Variants in IGFBP7 observed in about 807,000 individuals in gnomAD.
The protein encoded by IGFBP7 is insulin like growth factor binding protein 7.
Under a neutral mutation model 29.4 loss-of-function variants are expected in IGFBP7, and 31 were observed. That is an observed-to-expected ratio of 1.05 (90% confidence interval 0.79 to 1.42). The LOEUF (loss-of-function observed/expected upper bound fraction) is 1.42. IGFBP7 is among the 40% of genes most tolerant of loss of function. The pLI is 0.00. For missense variants in IGFBP7, 393 were observed against 395.5 expected, an observed-to-expected ratio of 0.99 and a Z score of 0.05; for synonymous variants, 172 against 174.9, an observed-to-expected ratio of 0.98 and a Z score of 0.13.
intron 1 of IGFBP7, among the ~76,000 whole-genome samples, chr4:57,085,489 C>T: frequency 6.6e-6 from 1 of 152,196 alleles, no homozygotes; most frequent in Non-Finnish European, 1.5e-5. Context: ...GAGATCTTCA[C>T]CACATTTTCG....
chr4:57,051,392 T>A (rs1724499482), intron 1 of IGFBP7, among the ~76,000 whole-genome samples: 1 of 152,198 alleles, frequency 6.6e-6, no homozygotes, highest in Admixed American at 6.5e-5. Flanking sequence ...GTACAACAGC[T>A]TAAGCAGCAT....
At chr4:57,069,173 C>G (rs1724995813) in intron 1 of IGFBP7, among the ~76,000 whole-genome samples, 1 of 152,148 alleles carries the variant, frequency 6.6e-6, no homozygotes. Context: ...TGTTTCAAGA[C>G]AGGATCTCAC....
chr4:57,097,177 C>T (rs1725781446), intron 1 of IGFBP7, among the ~76,000 whole-genome samples: 1 of 152,094 alleles, frequency 6.6e-6, no homozygotes, highest in Non-Finnish European at 1.5e-5. Context: ...TGTGAGTGAC[C>T]TCTGAATTCA....
chr4:57,054,567 A>C (rs1724595702), intron 1 of IGFBP7, among the ~76,000 whole-genome samples: 1 of 146,126 alleles, frequency 6.8e-6, no homozygotes, highest in Admixed American at 7.0e-5. Flanking sequence ...TGAACCTGGG[A>C]GGCGGAGGTT....
chr4:57,105,189 C>G (rs1725993335), intron 1 of IGFBP7, among the ~76,000 whole-genome samples: 1 of 152,202 alleles, frequency 6.6e-6, no homozygotes. Flanking sequence ...TAGCATGGCT[C>G]TACTCACCTC....
chr4:57,101,919 C>G (rs1386196591), intron 1 of IGFBP7, among the ~76,000 whole-genome samples: 14 of 152,124 alleles, frequency 9.2e-5, no homozygotes, highest in Admixed American at 9.2e-4. Context: ...TTCACATATA[C>G]CTAAGTCTCC....
chr4:57,074,416 C>T (rs930672178), intron 1 of IGFBP7, among the ~76,000 whole-genome samples: 14 of 152,326 alleles, frequency 9.2e-5, no homozygotes, highest in Admixed American at 7.8e-4. Context: ...CCATTTTCTC[C>T]TGCCTCTGAA....
At chr4:57,071,696 A>G (rs13141016) in intron 1 of IGFBP7, among the ~76,000 whole-genome samples, 64,811 of 152,126 alleles carry the variant, frequency 0.43, 15,770 homozygotes, top group Admixed American at 0.56. Flanking sequence ...TTGCTGTGGC[A>G]TATTTGGTCA....
intron 1 of IGFBP7, among the ~76,000 whole-genome samples, chr4:57,046,115 G>A (rs1475458999): frequency 6.6e-6 from 1 of 152,110 alleles, no homozygotes; most frequent in Non-Finnish European, 1.5e-5. Context: ...CGACTTAATG[G>A]TGACCCACAG....
intron 1 of IGFBP7, among the ~76,000 whole-genome samples, chr4:57,041,860 G>A (rs866585705): frequency 6.6e-6 from 1 of 152,128 alleles, no homozygotes; most frequent in African/African-American, 2.4e-5. Context: ...TTGAACAGAA[G>A]AGGCCCGGGT....
At chr4:57,089,822 C>A (rs144917611) in intron 1 of IGFBP7, among the ~76,000 whole-genome samples, 92 of 152,296 alleles carry the variant, frequency 6.0e-4, no homozygotes, top group Admixed American at 1.5e-3. Context: ...CATTTGCTCA[C>A]CTGATATAAT....
intron 1 of IGFBP7, among the ~76,000 whole-genome samples, chr4:57,069,336 C>A (rs1294157644): frequency 6.6e-6 from 1 of 152,128 alleles, no homozygotes; most frequent in African/African-American, 2.4e-5. Flanking sequence ...TGCCTATAAT[C>A]CCAGTGCTTT....
Position 57,110,039 on chromosome 4 carries a change from G to A in IGFBP7, c.313C>T (p.Pro105Ser). Residue 105 changes from proline (P) to serine (S), a missense_variant, in exon 1 of 5, where the codon CCG (proline) becomes TCG (serine). Pro to Ser is a moderately conservative substitution (Grantham distance 74). Transcript: ENST00000295666. ...KGKAGAAAGGPGVSGVCVCKS... is the reference protein window; with the variant it reads ...KGKAGAAAGGSGVSGVCVCKS... ...CACACGCACACGCCGCTTACACCCG[G>A]ACCGCCGGCTGCTGCCCCGGCTTTA... 6.4e-7 allele frequency: 1 copy of A among 1,558,900 alleles called. No homozygotes were observed. The highest frequency in any genetic ancestry group is 8.6e-7 in the Non-Finnish European group (1 of 1,158,422).
rs557577202 is a variant in IGFBP7 at position 57,034,917 on chromosome 4, T to C, written c.586-1606A>G. On this transcript the variant is annotated intron_variant, in intron 2 of 4. Transcript: ENST00000295666. ...ACAAACATACTCAATAGGTACCTTT[T>C]CCCTTAGTTTCCCAAGTAGCTGGCA... 1.8e-4 allele frequency among the ~76,000 whole-genome samples: 28 copies of C among 152,348 alleles called. 1 individual carries two copies. The highest frequency in any genetic ancestry group is 6.3e-4 in the African/African-American group (26 of 41,578).
At chr4:57,056,385 C>A (rs1396588494) in intron 1 of IGFBP7, among the ~76,000 whole-genome samples, 1 of 152,040 alleles carries the variant, frequency 6.6e-6, no homozygotes, top group South Asian at 2.1e-4. Context: ...GTGTGTGTGT[C>A]TTGGGTACTT....
chr4:57,103,654 T>TC (rs1725952792), intron 1 of IGFBP7, among the ~76,000 whole-genome samples: 2 of 76,590 alleles, frequency 2.6e-5, no homozygotes, highest in African/African-American at 5.1e-5. Context: ...TTTTTTTTTT[T>TC]CTTTTCTTTT....
intron 1 of IGFBP7, among the ~76,000 whole-genome samples, chr4:57,098,528 T>C (rs1725817396): frequency 6.6e-6 from 1 of 152,082 alleles, no homozygotes; most frequent in Admixed American, 6.5e-5. Flanking sequence ...AAGAGTCAAG[T>C]CAGATCAACT....
intron 1 of IGFBP7, among the ~76,000 whole-genome samples, chr4:57,105,248 T>C (rs1276901250): frequency 6.6e-6 from 1 of 152,234 alleles, no homozygotes; most frequent in Non-Finnish European, 1.5e-5. Context: ...TTCTCCGATG[T>C]ACACCCTTCA....
At chr4:57,076,484 T>A (rs1226712159) in intron 1 of IGFBP7, among the ~76,000 whole-genome samples, 1 of 152,186 alleles carries the variant, frequency 6.6e-6, no homozygotes, top group Non-Finnish European at 1.5e-5. Context: ...CTGACATCAG[T>A]GAAGCCAGAA....
Sources: allele counts gnomAD v4.1 joint callset (sites outside exome capture counted in the v4.1 genomes callset), GRCh38; gene constraint gnomAD v4.1.1; transcripts MANE v1.5; gene names NCBI Gene and HGNC (gene_info 2026-07-23, HGNC 2026-07-21).